The following MESP1 variants were observed in gnomAD, a reference collection of about 807,000 sequenced individuals.
The protein encoded by MESP1 is mesoderm posterior protein 1.
MESP1 carries 22 observed loss-of-function variants against 15.2 expected under a neutral mutation model. The ratio of observed to expected loss-of-function variants is 1.45; its 90% CI spans 1.04 to 2.07. The LOEUF (loss-of-function observed/expected upper bound fraction) is 2.07, where lower values mean the gene tolerates loss of function less well. MESP1 is among the 30% of genes most tolerant of loss of function. The pLI, the probability that MESP1 is intolerant of heterozygous loss-of-function variation, is 0.00. For synonymous variants in MESP1, 216 were observed against 192.6 expected (o/e 1.12, Z -1.01); for missense variants, 484 against 411.9 (o/e 1.17, Z -1.51).
chr15:89,750,039 C>A lies in MESP1; in HGVS notation c.*105G>T, dbSNP rs1484941267. On this transcript the variant is annotated 3_prime_UTR_variant, in exon 2 of 2. Coordinates refer to ENST00000300057, the MANE Select transcript of MESP1 (RefSeq NM_018670.4). Reference sequence around the variant, plus strand: ...CCCGCAGGAATGCCCCCGTCGGGATCGCCCGTGCCCTCTTCCAGGAAAGGC... The same window carrying A: ...CCCGCAGGAATGCCCCCGTCGGGATAGCCCGTGCCCTCTTCCAGGAAAGGC... The A allele has an allele frequency of 1.8e-6, 2 of 1,130,498 alleles. No homozygotes were observed. The highest frequency in any genetic ancestry group is 2.7e-6 in the Non-Finnish European group (2 of 748,126). The allele number at this position is 1,130,498 out of a possible 1,614,324, so 70.0% of individuals were successfully genotyped here. A position where few individuals can be genotyped will look rare whatever the true frequency, so the allele number is the denominator to read the frequency against.
chr15:89,747,375 C>T (rs1384534265), downstream of MESP1, among the ~76,000 whole-genome samples: 8 of 152,234 alleles, frequency 5.3e-5, no homozygotes, highest in Non-Finnish European at 1.0e-4. Context: ...GGTCGCTGCT[C>T]TGGAAATGCT....
chr15:89,733,090 G>A, the MESP1 span: 6 of 1,614,044 alleles, frequency 3.7e-6, no homozygotes, highest in Non-Finnish European at 5.1e-6. Flanking sequence ...GTCCACAAAG[G>A]ACAGAATATG....
downstream of MESP1, chr15:89,749,329 G>C (rs1359659906): frequency 6.6e-6 from 1 of 152,238 alleles, no homozygotes; most frequent in African/African-American, 2.4e-5. Flanking sequence ...TGCCGGCGGA[G>C]GGTGGGGGAG....
the MESP1 span, among the ~76,000 whole-genome samples, chr15:89,736,449 G>C: frequency 6.6e-6 from 1 of 152,132 alleles, no homozygotes; most frequent in African/African-American, 2.4e-5. Flanking sequence ...TTGAAGTGGG[G>C]CGTACAGCAG....
the MESP1 span, chr15:89,737,823 CTG>C: frequency 1.3e-6 from 2 of 1,537,608 alleles, no homozygotes; most frequent in Non-Finnish European, 1.8e-6. Context: ...CCTCCCCACT[CTG>C]TGTCCCCCTC....
At chr15:89,750,326 G>C (rs574701610) in intron 1 of MESP1, 99 bp from the exon 2 acceptor site, 140 of 1,560,276 alleles carry the variant, frequency 9.0e-5, no homozygotes, top group Non-Finnish European at 1.1e-4. Flanking sequence ...CCTAGCGAGG[G>C]GAGACCCAGT....
downstream of MESP1, among the ~76,000 whole-genome samples, chr15:89,746,064 C>CCACACCTCCACACATA: frequency 6.8e-6 from 1 of 147,668 alleles, no homozygotes; most frequent in East Asian, 2.1e-4. Context: ...CCTGACACCT[C>CCACACCTCCACACATA]CACACCTCCA....
downstream of MESP1, among the ~76,000 whole-genome samples, chr15:89,746,710 C>T (rs1256007562): frequency 1.3e-4 from 19 of 146,390 alleles, no homozygotes; most frequent in African/African-American, 4.9e-4. Context: ...GCCCCGCCTC[C>T]ACACACACAC....
chr15:89,750,485 G>C, intron 1 of MESP1, 24 bp downstream of exon 1: 1 of 1,489,722 alleles, frequency 6.7e-7, no homozygotes, highest in Non-Finnish European at 8.9e-7. Flanking sequence ...CGGACGAAGG[G>C]GGCGCGGGGA....
At chr15:89,736,584 G>A in the MESP1 span, among the ~76,000 whole-genome samples, 2 of 152,154 alleles carry the variant, frequency 1.3e-5, no homozygotes, top group Admixed American at 6.5e-5. Context: ...AACTGCATGG[G>A]GACAGTCCTG....
chr15:89,738,249 G>C, the MESP1 span: 3 of 1,585,312 alleles, frequency 1.9e-6, no homozygotes, highest in African/African-American at 4.1e-5. Context: ...AAAGAGCTCT[G>C]TGTCTTCACC....
At chr15:89,746,859 CCACA>C (rs140214445), downstream of MESP1, among the ~76,000 whole-genome samples, 10 of 106,884 alleles carry the variant, frequency 9.4e-5, no homozygotes, top group East Asian at 5.6e-4. Flanking sequence ...AGCCCTGCCG[CCACA>C]CACACACACA....
the MESP1 span, among the ~76,000 whole-genome samples, chr15:89,733,589 T>G: frequency 1.3e-5 from 2 of 152,268 alleles, no homozygotes; most frequent in Middle Eastern, 3.4e-3. Context: ...AATGGATTAA[T>G]GGGTATCATG....
chr15:89,734,044 T>C, the MESP1 span, among the ~76,000 whole-genome samples: 3 of 152,068 alleles, frequency 2.0e-5, no homozygotes, highest in Non-Finnish European at 4.4e-5. Flanking sequence ...TGTGTGTGTG[T>C]AATAAAGAAT....
chr15:89,751,087 C>G lies in MESP1; in HGVS notation c.145G>C (p.Asp49His). Residue 49 changes from aspartate (D) to histidine (H), a missense_variant, in exon 1 of 2, where the codon GAC becomes CAC. Asp to His is a moderately conservative substitution (Grantham distance 81). Coordinates refer to ENST00000300057, the MANE Select transcript of MESP1 (RefSeq NM_018670.4). ...SPDSWGSTPA[D>H]SPVASPARPG... ...CGCGCGGGGCTCGCCACGGGGCTGT[C>G]GGCTGGGGTGCTGCCCCATGAGTCT... 1.9e-6 allele frequency: 2 copies of G among 1,064,172 alleles called. No individual in the cohort carries two copies. Among genetic ancestry groups the G allele is most frequent in the Non-Finnish European group, 2.4e-6 (2 of 831,434 alleles). 65.9% of individuals were successfully genotyped at this position (1,064,172 alleles called of 1,614,324 possible).
At chr15:89,738,627 A>C in the MESP1 span, among the ~76,000 whole-genome samples, 46 of 76,566 alleles carry the variant, frequency 6.0e-4, no homozygotes, top group African/African-American at 1.7e-3. Context: ...ACTCTGTCCC[A>C]AAAAAAAAAA....
chr15:89,737,191 G>C, the MESP1 span, among the ~76,000 whole-genome samples: 1 of 152,214 alleles, frequency 6.6e-6, no homozygotes, highest in Non-Finnish European at 1.5e-5. Flanking sequence ...GGCCAGGAGG[G>C]GCTGTTAGAT....
At chr15:89,742,023 T>C in the MESP1 span, among the ~76,000 whole-genome samples, 11 of 152,114 alleles carry the variant, frequency 7.2e-5, no homozygotes, top group Non-Finnish European at 1.3e-4. Flanking sequence ...AGTGCTGGGA[T>C]TACAGGCATG....
chr15:89,750,216 G>T lies in MESP1; in HGVS notation c.735C>A (p.Gly245=), dbSNP rs768574103. 2.5e-6 allele frequency: 4 copies of T among 1,613,942 alleles called. No individual in the cohort carries two copies. Among genetic ancestry groups the T allele is most frequent in the Non-Finnish European group, 8.5e-7 (1 of 1,180,014 alleles). ...AGGTCTCCAACAGAGCCAGCACGTC[G>T]CCCGGAAGGAGCTGTAGGGAGAGAC... is the stretch of plus-strand genomic sequence containing the variant. The part of the protein sequence containing the change: ...EPSPPSPLLP[G]DVLALLETWM... Residue 245 remains glycine (G), a synonymous_variant, in exon 2 of 2, where the codon GGC becomes GGA. Transcript: ENST00000300057.
Sources: gnomAD v4.1 joint callset for allele counts (sites outside exome capture counted in the v4.1 genomes callset) on GRCh38, gnomAD v4.1.1 for gene constraint, MANE v1.5 for transcripts, NCBI Gene and HGNC (gene_info 2026-07-23, HGNC 2026-07-21) for gene names.